SOX6: variants seen among roughly 807,000 people sequenced by gnomAD.
SOX6 encodes SRY-box transcription factor 6.
Under a neutral mutation model 97.8 loss-of-function variants are expected in SOX6, and 11 were observed. The ratio of observed to expected loss-of-function variants is 0.11; its 90% CI spans 0.07 to 0.19. SOX6 has a LOEUF of 0.19. Among genes scored for constraint, SOX6 ranks in the 10% least tolerant of loss-of-function variants. SOX6 has a pLI of 1.00. For synonymous variants in SOX6, 360 were observed against 371.4 expected (o/e 0.97, Z 0.35); for missense variants, 810 against 1,039.5 (o/e 0.78, Z 3.04).
chr11:16,454,423 T>C (rs1262344986), intron 1 of SOX6, among the ~76,000 whole-genome samples: 2 of 152,056 alleles, frequency 1.3e-5, no homozygotes, highest in African/African-American at 4.8e-5. Context: ...GGGTGCTCAG[T>C]CATTCATAAA....
At chr11:16,210,870 G>A (rs1446689059) in intron 4 of SOX6, among the ~76,000 whole-genome samples, 1 of 152,182 alleles carries the variant, frequency 6.6e-6, no homozygotes, top group Non-Finnish European at 1.5e-5. Context: ...GATAGTAAGA[G>A]ATAGTAAACG....
In SOX6 at chr11:15,989,287, T is replaced by G. The variant is rs927856931; in HGVS notation, c.1733-57A>C. The G allele has an allele frequency of 8.5e-5, 123 of 1,444,544 alleles. 1 individual carries two copies. Among genetic ancestry groups the G allele is most frequent in the South Asian group, 3.0e-4 (22 of 73,716 alleles). 89.5% of individuals were successfully genotyped at this position (1,444,544 alleles called of 1,614,324 possible). A position where few individuals can be genotyped will look rare whatever the true frequency, so the allele number is the denominator to read the frequency against. On this transcript the variant is annotated intron_variant, in intron 13 of 15. Coordinates refer to ENST00000683767, the MANE Select transcript of SOX6 (RefSeq NM_001367873.1). Reference sequence around the variant, plus strand: ...GTGGAAAGCGTTATTTTGTGGATAATGTCACACAGCTTGCCGCCTGGGTCA... The same window carrying G: ...GTGGAAAGCGTTATTTTGTGGATAAGGTCACACAGCTTGCCGCCTGGGTCA...
intron 1 of SOX6, among the ~76,000 whole-genome samples, chr11:16,392,821 T>A (rs1214451051): frequency 6.6e-6 from 1 of 152,108 alleles, no homozygotes; most frequent in South Asian, 2.1e-4. Context: ...CTGGCCTTCA[T>A]GAACTTCATT....
chr11:16,307,107 AAGAGT>A (rs1290528329), intron 3 of SOX6, among the ~76,000 whole-genome samples: 1 of 152,178 alleles, frequency 6.6e-6, no homozygotes, highest in East Asian at 1.9e-4. Context: ...CATGGCAGAG[AAGAGT>A]AAAGTAATAT....
chr11:16,570,685 G>A (rs771519960), intron 4 of SOX6, among the ~76,000 whole-genome samples: 30 of 152,146 alleles, frequency 2.0e-4, no homozygotes, highest in Non-Finnish European at 3.5e-4. Context: ...ATTAGTTAAA[G>A]TACTGATACC....
chr11:16,307,072 A>AC (rs1855464165), intron 3 of SOX6, among the ~76,000 whole-genome samples: 3 of 152,226 alleles, frequency 2.0e-5, no homozygotes, highest in Non-Finnish European at 4.4e-5. Context: ...GTCCTAAGAC[A>AC]TGTTTAAGGA....
chr11:16,638,072 C>A (rs971164160), intron 3 of SOX6, among the ~76,000 whole-genome samples: 1 of 114,064 alleles, frequency 8.8e-6, no homozygotes, highest in African/African-American at 3.3e-5. Context: ...CACCCCTCAA[C>A]AGGCCCTGGT....
chr11:16,696,610 T>A lies in SOX6; in HGVS notation n.429+18220A>T, dbSNP rs974552584. On this transcript the variant is annotated intron_variant and non_coding_transcript_variant, in intron 3 of 5. Coordinates refer to the SOX6 transcript ENST00000524520. ...TTATATGGTAGTCTATCAAGTATAA[T>A]AGCATTATGTCTTAAAAACAATATA... is the stretch of plus-strand genomic sequence containing the variant. 5.3e-5 allele frequency among the ~76,000 whole-genome samples: 8 copies of A among 152,330 alleles called. No homozygotes were observed. The East Asian group carries it at 1.5e-3, about 29-fold the overall frequency.
intron 9 of SOX6, among the ~76,000 whole-genome samples, chr11:16,070,081 G>T (rs1282868872): frequency 3.3e-5 from 5 of 152,164 alleles, no homozygotes; most frequent in Admixed American, 3.3e-4. Flanking sequence ...CGTGAACCTG[G>T]GAGGCGGAGC....
rs12284156 is a variant in SOX6 at position 16,228,721 on chromosome 11, T to A, written c.535+5861A>T. 2.0e-3 allele frequency among the ~76,000 whole-genome samples: 311 copies of A among 152,260 alleles called. 1 individual carries two copies. Among genetic ancestry groups the A allele is most frequent in the African/African-American group, 6.7e-3 (280 of 41,562 alleles). On this transcript the variant is annotated intron_variant, in intron 4 of 15. Transcript: ENST00000683767. Reference sequence around the variant, plus strand: ...GAGGTGATGCATATGTTAATTTGCTTGACTAGTAATCATTTCACTGTATGT... The same window carrying A: ...GAGGTGATGCATATGTTAATTTGCTAGACTAGTAATCATTTCACTGTATGT...
intron 4 of SOX6, among the ~76,000 whole-genome samples, chr11:16,557,135 C>T (rs566489085): frequency 2.0e-5 from 3 of 151,826 alleles, no homozygotes; most frequent in Non-Finnish European, 4.4e-5. Context: ...ATCTCTCCAC[C>T]CTAACTTCAC....
chr11:16,251,603 T>A (rs1444927191), intron 3 of SOX6, among the ~76,000 whole-genome samples: 1 of 152,090 alleles, frequency 6.6e-6, no homozygotes, highest in Non-Finnish European at 1.5e-5. Context: ...TGTAAAGCCC[T>A]CTCACAGAGA....
At chr11:16,000,830 A>G (rs1854385020) in intron 13 of SOX6, among the ~76,000 whole-genome samples, 1 of 152,038 alleles carries the variant, frequency 6.6e-6, no homozygotes, top group Non-Finnish European at 1.5e-5. Flanking sequence ...CACTTTGGAA[A>G]CAAACTTTTT....
At position 15,967,908 on chromosome 11, in the gene SOX6, A is replaced by G. The variant is rs1347725392; in HGVS notation, c.*4901T>C. 1 of 75,166 alleles carries G rather than the reference A, an allele frequency of 1.3e-5. No individual in the cohort carries two copies. Among genetic ancestry groups the G allele is most frequent in the African/African-American group, 5.1e-5 (1 of 19,432 alleles). 4.7% of individuals were successfully genotyped at this position (75,166 alleles called of 1,614,324 possible). On this transcript the variant is annotated 3_prime_UTR_variant, in exon 16 of 16. Transcript: ENST00000683767. ...TTCTGCCCCCACCCCGCCCACCCTTACCTCTGCCCCAAAGGTACCAGCATT... is the reference window on the plus strand; with the variant it reads ...TTCTGCCCCCACCCCGCCCACCCTTGCCTCTGCCCCAAAGGTACCAGCATT...
In SOX6 at chr11:16,356,467, T is replaced by C. The variant is rs1410860764; in HGVS notation, c.-378A>G. 6.6e-6 allele frequency among the ~76,000 whole-genome samples: 1 copy of C among 152,072 alleles called. No homozygotes were observed. Among genetic ancestry groups the C allele is most frequent in the Non-Finnish European group, 1.5e-5 (1 of 67,994 alleles). ...CAGTTAAGCAAACTTTACAAGCTAGTCAAGCCATCATCCAATAGAGCCTAT... is the reference window on the plus strand; with the variant it reads ...CAGTTAAGCAAACTTTACAAGCTAGCCAAGCCATCATCCAATAGAGCCTAT... On this transcript the variant is annotated 5_prime_UTR_variant, in exon 1 of 16. An upstream open reading frame in the 5' UTR loses its in-frame stop. Transcript: ENST00000683767.
At chr11:16,101,930 A>G (rs556262678) in intron 7 of SOX6, among the ~76,000 whole-genome samples, 7 of 152,008 alleles carry the variant, frequency 4.6e-5, no homozygotes, top group Admixed American at 3.9e-4. Flanking sequence ...ATTATAGTGA[A>G]TGAGAAAGAG....
chr11:16,609,625 G>T (rs1031885177), intron 4 of SOX6, among the ~76,000 whole-genome samples: 2 of 152,224 alleles, frequency 1.3e-5, no homozygotes, highest in African/African-American at 4.8e-5. Flanking sequence ...GAGACAGGAT[G>T]CAAGCACAGA....
At chr11:16,665,304 G>C (rs1176227765) in intron 3 of SOX6, among the ~76,000 whole-genome samples, 1 of 152,024 alleles carries the variant, frequency 6.6e-6, no homozygotes, top group Non-Finnish European at 1.5e-5. Flanking sequence ...GGGCCAAAGG[G>C]GAGCCCACTG....
chr11:16,093,852 G>T (rs537730907), intron 9 of SOX6, among the ~76,000 whole-genome samples: 1 of 151,840 alleles, frequency 6.6e-6, no homozygotes, highest in Non-Finnish European at 1.5e-5. Flanking sequence ...GATTTAAAAC[G>T]TTACTATCTA....
Sources: allele counts gnomAD v4.1 joint callset (sites outside exome capture counted in the v4.1 genomes callset), GRCh38; gene constraint gnomAD v4.1.1; transcripts MANE v1.5; gene names NCBI Gene and HGNC (gene_info 2026-07-23, HGNC 2026-07-21).